Variants in DIS3L2 observed in about 807,000 individuals in gnomAD.
The protein encoded by DIS3L2 is DIS3-like exonuclease 2.
In DIS3L2, 34 loss-of-function variants were observed where a neutral mutation model predicts 97.5. That is an observed-to-expected ratio of 0.35 (90% CI 0.27 to 0.46). The LOEUF is 0.46. Ranked by LOEUF, DIS3L2 falls within the 20% of genes least tolerant of loss-of-function variation. The pLI is 1.00. For missense variants in DIS3L2, 1,038 were observed against 1,146.0 expected (o/e 0.91, Z 1.36); for synonymous variants, 435 against 445.2 (o/e 0.98, Z 0.29).
At position 232,041,509 on chromosome 2, in the gene DIS3L2, T is replaced by A. The variant is rs189911146; in HGVS notation, c.366+11429T>A. Among the ~76,000 whole-genome samples the A allele has an allele frequency of 6.6e-5, 10 of 152,282 alleles. No homozygotes were observed. The East Asian group carries it at 1.9e-3, about 29-fold the overall frequency. On this transcript the variant is annotated intron_variant, in intron 5 of 20. Coordinates refer to ENST00000325385, the MANE Select transcript of DIS3L2 (RefSeq NM_152383.5). ...TGATCCTCAAGCTGGGAGAATTGAC[T>A]AGAGCCATACTGGGAGCAAAAACCA...
intron 1 of DIS3L2, among the ~76,000 whole-genome samples, chr2:231,965,922 G>T (rs1248018586): frequency 6.6e-6 from 1 of 152,082 alleles, no homozygotes; most frequent in Non-Finnish European, 1.5e-5. Flanking sequence ...GGGCTCAGGC[G>T]ATCCTCCTGC....
intron 10 of DIS3L2, among the ~76,000 whole-genome samples, chr2:232,225,224 C>T (rs1352288651): frequency 6.6e-6 from 1 of 152,076 alleles, no homozygotes. Context: ...ACTCATGGCC[C>T]AGCAGTTTTA....
At chr2:232,174,836 GT>G (rs150610608) in intron 9 of DIS3L2, among the ~76,000 whole-genome samples, 5 of 147,764 alleles carry the variant, frequency 3.4e-5, no homozygotes, top group African/African-American at 9.9e-5. Context: ...CAGTCATTCA[GT>G]TTTTTTTTTG....
intron 10 of DIS3L2, among the ~76,000 whole-genome samples, chr2:232,238,115 T>C (rs1441025197): frequency 6.6e-6 from 1 of 151,906 alleles, no homozygotes; most frequent in African/African-American, 2.4e-5. Context: ...AATAGGGCAA[T>C]GGCCAGAGGG....
At chr2:232,296,898 G>A (rs1229338863) in intron 13 of DIS3L2, among the ~76,000 whole-genome samples, 2 of 152,086 alleles carry the variant, frequency 1.3e-5, no homozygotes, top group African/African-American at 4.8e-5. Context: ...CTGCTGACTT[G>A]CCTTATTGTT....
chr2:232,088,390 C>CA (rs778505065), intron 6 of DIS3L2, among the ~76,000 whole-genome samples: 7,946 of 55,718 alleles, frequency 0.14, 407 homozygotes, highest in African/African-American at 0.23. Flanking sequence ...ACTAAAAATA[C>CA]AAAAAAAAAA....
intron 16 of DIS3L2, among the ~76,000 whole-genome samples, chr2:232,332,501 T>C (rs1026711515): frequency 2.6e-5 from 4 of 151,414 alleles, no homozygotes; most frequent in Non-Finnish European, 5.9e-5. Flanking sequence ...ACCCGTTCAC[T>C]CGCTCCCAGG....
chr2:232,329,785 T>TGCCGGGGGGGGGGCCCCC, intron 14 of DIS3L2, 28 bp from the exon 15 acceptor site: 5 of 967,142 alleles, frequency 5.2e-6, no homozygotes, highest in Admixed American at 3.4e-5. Flanking sequence ...ACCCCAGCGG[T>TGCCGGGGGGGGGGCCCCC]CCCTCCCATC....
intron 6 of DIS3L2, among the ~76,000 whole-genome samples, chr2:232,094,425 C>T (rs981216256): frequency 1.3e-5 from 2 of 152,094 alleles, no homozygotes; most frequent in African/African-American, 4.8e-5. Flanking sequence ...GTGTTGAAAT[C>T]TCCAGCTGTT....
chr2:232,082,679 A>G (rs1190218429), intron 5 of DIS3L2, among the ~76,000 whole-genome samples: 2 of 152,208 alleles, frequency 1.3e-5, no homozygotes, highest in Non-Finnish European at 2.9e-5. Context: ...TTAGTAACTC[A>G]AAAGTGAATT....
intron 5 of DIS3L2, among the ~76,000 whole-genome samples, chr2:232,080,166 T>C (rs1688510482): frequency 6.6e-6 from 1 of 152,102 alleles, no homozygotes; most frequent in Non-Finnish European, 1.5e-5. Flanking sequence ...TCTGATGGAT[T>C]GAATGTGGGG....
At chr2:232,204,162 CAGTG>C (rs1279411252) in intron 9 of DIS3L2, among the ~76,000 whole-genome samples, 1 of 152,076 alleles carries the variant, frequency 6.6e-6, no homozygotes, top group East Asian at 1.9e-4. Context: ...GACCAAAATC[CAGTG>C]AGGTGAATAA....
intron 7 of DIS3L2, among the ~76,000 whole-genome samples, chr2:232,135,785 G>A (rs1165754041): frequency 6.6e-6 from 1 of 152,074 alleles, no homozygotes; most frequent in Non-Finnish European, 1.5e-5. Context: ...GGGTCTGGTG[G>A]GATGTCGGCA....
intron 14 of DIS3L2, among the ~76,000 whole-genome samples, chr2:232,321,055 C>G (rs1389222925): frequency 6.6e-6 from 1 of 152,158 alleles, no homozygotes; most frequent in Non-Finnish European, 1.5e-5. Flanking sequence ...AGTGGAAATC[C>G]AGGGTGGCCT....
At chr2:232,068,017 T>A (rs1695899612) in intron 5 of DIS3L2, among the ~76,000 whole-genome samples, 1 of 152,074 alleles carries the variant, frequency 6.6e-6, no homozygotes, top group Non-Finnish European at 1.5e-5. Context: ...AGAGAAGGAT[T>A]ATCCAAGGAG....
rs753108965 is a variant in DIS3L2, at chr2:232,024,282, A to T, written c.216A>T (p.Val72=). 3 of 1,601,812 alleles carry T rather than the reference A, an allele frequency of 1.9e-6. No homozygotes were observed. Among genetic ancestry groups the T allele is most frequent in the Non-Finnish European group, 2.6e-6 (3 of 1,174,484 alleles). ...CTTTATTTTTTGTTTTAAAGGGTGT[A>T]TTGAGAATTAATCCAAAGAAGTTTC... ...GLKRGTLIQG[V]LRINPKKFHE... Residue 72 remains valine, a synonymous_variant, in exon 4 of 21, where the codon GTA becomes GTT. Coordinates refer to ENST00000325385, the MANE Select transcript of DIS3L2 (RefSeq NM_152383.5).
intron 14 of DIS3L2, among the ~76,000 whole-genome samples, chr2:232,326,979 T>C (rs2106344906): frequency 6.6e-6 from 1 of 152,312 alleles, no homozygotes; most frequent in South Asian, 2.1e-4. Context: ...TCTGTGGTCT[T>C]GGCAGGGGCT....
rs1695846845 is a variant in DIS3L2 at position 232,333,852 on chromosome 2, T to C, written c.2023T>C (p.Phe675Leu). The change falls in exon 17 of 21, where the codon TTC becomes CTC. Residue 675 changes from phenylalanine to leucine, a missense_variant. By Grantham distance (22) the Phe-to-Leu change is conservative. Around this residue, in one of 3 missense-constraint regions of DIS3L2, gnomAD observed 813 missense variants for 880.1 expected, o/e 0.92. Transcript: ENST00000325385. ...CSRPMQMALY[F>L]CSGLLQDPAQ... ...TCCCGTCCCGCAGATGGCACTGTAC[T>C]TCTGCTCGGGGCTGCTGCAGGACCC... 6.2e-7 allele frequency: 1 copy of C among 1,611,810 alleles called. No individual in the cohort carries two copies. Among genetic ancestry groups the C allele is most frequent in the Non-Finnish European group, 8.5e-7 (1 of 1,179,364 alleles).
chr2:232,157,935 C>T (rs186073075), intron 8 of DIS3L2, among the ~76,000 whole-genome samples: 1 of 152,194 alleles, frequency 6.6e-6, no homozygotes, highest in African/African-American at 2.4e-5. Flanking sequence ...TGTGCACTCT[C>T]ATGGAGCACA....
Sources: allele counts gnomAD v4.1 joint callset (sites outside exome capture counted in the v4.1 genomes callset), GRCh38; gene constraint gnomAD v4.1.1; regional missense constraint gnomAD v4.1.1; transcripts MANE v1.5; gene names NCBI Gene and HGNC (gene_info 2026-07-23, HGNC 2026-07-21).